The following ZNF563 variants were observed in gnomAD, a reference collection of about 807,000 sequenced individuals.
ZNF563 encodes the protein zinc finger protein 563.
A neutral mutation model predicts 48.5 loss-of-function variants in ZNF563; 39 were observed. The observed-to-expected ratio is 0.80, with a 90% CI of 0.62 to 1.05. ZNF563 has a LOEUF of 1.05. Among genes scored for constraint, ZNF563 ranks in the 50% least tolerant of loss-of-function variants. ZNF563 has a pLI of 0.00. For missense variants in ZNF563, 538 were observed against 597.0 expected (o/e 0.90, Z 1.03); for synonymous variants, 168 against 187.9 (o/e 0.89, Z 0.87).
At chr19:12,326,737 G>T (rs1314788605) in intron 1 of ZNF563, among the ~76,000 whole-genome samples, 1 of 152,116 alleles carries the variant, frequency 6.6e-6, no homozygotes, top group Non-Finnish European at 1.5e-5. Context: ...AAAAATGTGT[G>T]ACTGGTATAC....
chr19:12,340,218 T>C, the ZNF563 span, among the ~76,000 whole-genome samples: 2 of 152,058 alleles, frequency 1.3e-5, no homozygotes, highest in African/African-American at 2.4e-5. Context: ...CCTGTAATCC[T>C]AGCTACTCCG....
In ZNF563 at chr19:12,318,420, C is replaced by T; in HGVS notation, c.*174G>A. On this transcript the variant is annotated 3_prime_UTR_variant, in exon 4 of 4. Transcript: ENST00000293725. ...TAAAAAAAAATCGATCACTTTCCCACATTCCTTATATCATACAGCATCTCT... is the reference window on the plus strand; with the variant it reads ...TAAAAAAAAATCGATCACTTTCCCATATTCCTTATATCATACAGCATCTCT... 1.3e-6 allele frequency: 1 copy of T among 763,962 alleles called. No homozygotes were observed. Among genetic ancestry groups the T allele is most frequent in the Non-Finnish European group, 2.0e-6 (1 of 490,944 alleles). The allele number at this position is 763,962 out of a possible 1,614,324, so 47.3% of individuals were successfully genotyped here. A position where few individuals can be genotyped will look rare whatever the true frequency, so the allele number is the denominator to read the frequency against.
chr19:12,318,968 G>C lies in ZNF563; in HGVS notation c.1057C>G (p.Arg353Gly), dbSNP rs112896133. The C allele has an allele frequency of 2.5e-6, 4 of 1,614,030 alleles. No homozygotes were observed. Among genetic ancestry groups the C allele is most frequent in the Non-Finnish European group, 3.4e-6 (4 of 1,180,014 alleles). ...CCAGTGTGAATTCGTTCATGATATCGAACTAAACTGGGACGATCAAAGCCT... is the reference window on the plus strand; with the variant it reads ...CCAGTGTGAATTCGTTCATGATATCCAACTAAACTGGGACGATCAAAGCCT... ...GKGFDRPSLV[R>G]YHERIHTGEK... The change falls in exon 4 of 4, where the codon CGA becomes GGA. Residue 353 changes from arginine (R) to glycine (G), a missense_variant. Transcript: ENST00000293725.
chr19:12,322,674 G>A lies in ZNF563; in HGVS notation c.41C>T (p.Thr14Ile), dbSNP rs745824615. The A allele has an allele frequency of 1.9e-6, 3 of 1,609,224 alleles. No homozygotes were observed. The highest frequency in any genetic ancestry group is 1.7e-5 in the Admixed American group (1 of 59,726). Residue 14 changes from threonine to isoleucine, a missense_variant, in exon 2 of 4, where the codon ACC (threonine) becomes ATC (isoleucine). Coordinates refer to ENST00000293725, the MANE Select transcript of ZNF563 (RefSeq NM_145276.3). ...ACCCAGCAAAGCCCATTCCTCCTGG[G>A]TGAAGTTCACAGCCACATCCTCAAA... The part of the protein sequence containing the change: ...VAFEDVAVNF[T>I]QEEWALLGPS...
upstream of ZNF563, among the ~76,000 whole-genome samples, chr19:12,337,953 T>C (rs1360672873): frequency 6.6e-6 from 1 of 152,042 alleles, no homozygotes; most frequent in African/African-American, 2.4e-5. Flanking sequence ...TAAATAAAAA[T>C]TAGCCGAGCA....
upstream of ZNF563, among the ~76,000 whole-genome samples, chr19:12,338,579 C>T (rs1406189089): frequency 3.3e-5 from 5 of 152,098 alleles, no homozygotes; most frequent in Non-Finnish European, 7.4e-5. Context: ...GTTGGCCAAG[C>T]GCAGTGGCTC....
the ZNF563 span, among the ~76,000 whole-genome samples, chr19:12,341,586 T>C: frequency 6.6e-6 from 1 of 152,064 alleles, no homozygotes; most frequent in Admixed American, 6.6e-5. Context: ...TCATACAAAA[T>C]AGAATTTAAG....
At chr19:12,323,985 T>A (rs1968703205) in intron 1 of ZNF563, among the ~76,000 whole-genome samples, 1 of 152,224 alleles carries the variant, frequency 6.6e-6, no homozygotes, top group African/African-American at 2.4e-5. Context: ...GAATGTAATA[T>A]TAGAAAAGAA....
chr19:12,329,093 A>G (rs2145815786), intron 1 of ZNF563, among the ~76,000 whole-genome samples: 1 of 152,350 alleles, frequency 6.6e-6, no homozygotes, highest in African/African-American at 2.4e-5. Flanking sequence ...TTAGGAAACT[A>G]GAGAATAGCA....
At chr19:12,337,943 T>TA (rs1451444488), upstream of ZNF563, among the ~76,000 whole-genome samples, 1 of 151,822 alleles carries the variant, frequency 6.6e-6, no homozygotes, top group African/African-American at 2.4e-5. Flanking sequence ...AATAAATAAA[T>TA]AAATAAAAAT....
chr19:12,333,347 A>T, intron 1 of ZNF563, 133 bp downstream of exon 1: 1 of 1,255,428 alleles, frequency 8.0e-7, no homozygotes, highest in Non-Finnish European at 1.1e-6. Context: ...CCGAGGGTCG[A>T]GCTGCGCCAG....
rs534109365 is a variant in ZNF563, at chr19:12,329,308, C to T, written c.3+4172G>A. Among the ~76,000 whole-genome samples, 167 of 152,068 alleles carry T rather than the reference C, an allele frequency of 1.1e-3. 1 individual carries two copies. The highest frequency in any genetic ancestry group is 3.9e-3 in the African/African-American group (163 of 41,508). On this transcript the variant is annotated intron_variant, in intron 1 of 3. Coordinates refer to ENST00000293725, the MANE Select transcript of ZNF563 (RefSeq NM_145276.3). ...CCAACATGGTGAAACCCCGTCTCTA[C>T]TAAAAATACAAAAATTAGCTGAGTG... is the stretch of plus-strand genomic sequence containing the variant.
chr19:12,336,704 TA>T (rs1244091695), upstream of ZNF563, among the ~76,000 whole-genome samples: 1 of 152,230 alleles, frequency 6.6e-6, no homozygotes, highest in Admixed American at 6.5e-5. Flanking sequence ...AACAACTAAT[TA>T]AATGTGAGCT....
Position 12,317,645 on chromosome 19 carries a change from C to T in ZNF563, c.*949G>A, listed in dbSNP as rs758869100. ...GATTACAGGCATGTGCCATCACATC[C>T]GGGTAATTTTGTACCAAATATGTCA... On this transcript the variant is annotated 3_prime_UTR_variant, in exon 4 of 4. Coordinates refer to ENST00000293725, the MANE Select transcript of ZNF563 (RefSeq NM_145276.3). The T allele has an allele frequency of 3.3e-5, 5 of 151,986 alleles. No homozygotes were observed. The highest frequency in any genetic ancestry group is 5.9e-5 in the Non-Finnish European group (4 of 68,008). 9.4% of individuals were successfully genotyped at this position (151,986 alleles called of 1,614,324 possible). A position where few individuals can be genotyped will look rare whatever the true frequency, so the allele number is the denominator to read the frequency against.
upstream of ZNF563, among the ~76,000 whole-genome samples, chr19:12,338,463 G>T (rs1040116676): frequency 6.6e-6 from 1 of 152,078 alleles, no homozygotes; most frequent in Non-Finnish European, 1.5e-5. Flanking sequence ...TGGCCAGGCT[G>T]GTCTTGGACT....
chr19:12,319,381 T>C lies in ZNF563; in HGVS notation c.644A>G (p.His215Arg), dbSNP rs748046558. The change falls in exon 4 of 4, where the codon CAT becomes CGT. Residue 215 changes from histidine (H) to arginine (R), a missense_variant. By Grantham distance (29) the His-to-Arg change is conservative. Transcript: ENST00000293725. ...AFFWPSLLRMHERTHTGEKPY... is the reference protein window; with the variant it reads ...AFFWPSLLRMRERTHTGEKPY... ...TTTCTCTCCAGTGTGAGTTCTTTCA[T>C]GCATACGTAATAAACTGGGCCAAAA... 6.2e-7 allele frequency: 1 copy of C among 1,614,222 alleles called. No individual in the cohort carries two copies. Among genetic ancestry groups the C allele is most frequent in the Non-Finnish European group, 8.5e-7 (1 of 1,180,044 alleles).
upstream of ZNF563, among the ~76,000 whole-genome samples, chr19:12,337,547 C>T (rs150109699): frequency 5.9e-5 from 9 of 152,138 alleles, no homozygotes; most frequent in East Asian, 1.5e-3. Flanking sequence ...AATGGTTTTC[C>T]GGTTTTCTGG....
At chr19:12,340,777 C>A in the ZNF563 span, among the ~76,000 whole-genome samples, 5,695 of 138,490 alleles carry the variant, frequency 0.041, 349 homozygotes, top group African/African-American at 0.15. Flanking sequence ...ACTCCATCTC[C>A]AAAAAAAAAA....
intron 2 of ZNF563, among the ~76,000 whole-genome samples, chr19:12,322,310 T>C (rs1432211796): frequency 6.6e-6 from 1 of 152,174 alleles, no homozygotes; most frequent in Non-Finnish European, 1.5e-5. Context: ...CACCTTGGCC[T>C]CCCAACATGC....
Sources: allele counts gnomAD v4.1 joint callset (sites outside exome capture counted in the v4.1 genomes callset), GRCh38; gene constraint gnomAD v4.1.1; transcripts MANE v1.5; gene names NCBI Gene and HGNC (gene_info 2026-07-23, HGNC 2026-07-21).